The following PCARE variants were observed in gnomAD, a reference collection of about 807,000 sequenced individuals.
PCARE encodes photoreceptor cilium actin regulator, also known as uncharacterized protein C2orf71.
In PCARE, 72 loss-of-function variants were observed where a neutral mutation model predicts 82.2. The observed-to-expected ratio is 0.88, with a 90% confidence interval of 0.72 to 1.07. The LOEUF is 1.07. PCARE is among the 50% of genes least tolerant of loss of function. PCARE has a pLI of 0.00. For missense variants in PCARE, 1,768 were observed against 1,592.4 expected, an observed-to-expected ratio of 1.11 and a Z score of -1.88; for synonymous variants, 705 against 634.8, an observed-to-expected ratio of 1.11 and a Z score of -1.66.
In PCARE at chr2:29,071,080, G is replaced by C. The variant is rs756835422; in HGVS notation, c.3182C>G (p.Pro1061Arg). 2.5e-6 allele frequency: 4 copies of C among 1,591,416 alleles called. No individual in the cohort carries two copies. The highest frequency in any genetic ancestry group is 2.2e-5 in the South Asian group (2 of 89,694). Residue 1061 changes from proline to arginine, a missense_variant, in exon 1 of 2, where the codon CCC becomes CGC. Physicochemically the swap from Pro to Arg is moderately radical, Grantham distance 103 (BLOSUM62 -2). Transcript: ENST00000331664. ...CTTGCACTGAGCAGGTGCACTCTCG[G>C]GGGGAGGGTTGGGCAACTTGGGCTG... ...PHQPKLPNPP[P>R]ESAPAQCKVP...
At position 29,070,845 on chromosome 2, in the gene PCARE, T is replaced by C; in HGVS notation, c.3417A>G (p.Thr1139=). The change falls in exon 1 of 2, where the codon ACA becomes ACG. Residue 1139 remains threonine (T), a synonymous_variant. Coordinates refer to ENST00000331664, the MANE Select transcript of PCARE (RefSeq NM_001029883.3). ...SLFEAKPPLS[T]AHPLTPPSLP... ...GCGATGGTGGGGTCAGTGGGTGGGC[T>C]GTTGAGAGTGGCGGTTTAGCTTCAA... The C allele has an allele frequency of 6.2e-7, 1 of 1,614,060 alleles. No individual in the cohort carries two copies. Among genetic ancestry groups the C allele is most frequent in the Non-Finnish European group, 8.5e-7 (1 of 1,180,032 alleles).
In PCARE at chr2:29,062,702, A is replaced by T. The variant is rs1306642672; in HGVS notation, c.*2167T>A. The T allele has an allele frequency of 1.3e-5, 2 of 152,194 alleles. No homozygotes were observed. The highest frequency in any genetic ancestry group is 4.8e-5 in the African/African-American group (2 of 41,426). 9.4% of individuals were successfully genotyped at this position (152,194 alleles called of 1,614,324 possible). A position where few individuals can be genotyped will look rare whatever the true frequency, so the allele number is the denominator to read the frequency against. On this transcript the variant is annotated 3_prime_UTR_variant, in exon 2 of 2. Coordinates refer to ENST00000331664, the MANE Select transcript of PCARE (RefSeq NM_001029883.3). ...TTCTACCCAGCCCTGGACTTTTAAG[A>T]TGAGGCCCTTTACGGAAGGAGGCCT...
At position 29,065,093 on chromosome 2, in the gene PCARE, G is replaced by T. The variant is rs1465268345; in HGVS notation, c.3669-26C>A. On this transcript the variant is annotated intron_variant, in intron 1 of 1. Transcript: ENST00000331664. ...CTGCCGAGAGAAAGGACAAGTGCAG[G>T]TCAGACACTCCTCCTCTGCTGCTCC... 4 of 1,546,538 alleles carry T rather than the reference G, an allele frequency of 2.6e-6. No homozygotes were observed. The South Asian group carries it at 3.6e-5, about 14-fold the overall frequency.
rs769772064 is a variant in PCARE, at chr2:29,070,602, G to A, written c.3660C>T (p.Gly1220=). 22 of 1,614,006 alleles carry A rather than the reference G, an allele frequency of 1.4e-5. No individual in the cohort carries two copies. The highest frequency in any genetic ancestry group is 2.2e-5 in the East Asian group (1 of 44,880). The change falls in exon 1 of 2, where the codon GGC becomes GGT. Residue 1220 remains glycine, a synonymous_variant. Coordinates refer to ENST00000331664, the MANE Select transcript of PCARE (RefSeq NM_001029883.3). ...CCCAGGACACTCCTTACCTGTTCTG[G>A]CCGAGCTGGGATTCATAAGAGGTGC... ...PTSTSYESQL[G]QNSSSEESPK...
At position 29,073,233 on chromosome 2, in the gene PCARE, GA is replaced by G; in HGVS notation, c.1028del (p.Leu343ProfsTer41). 2 of 1,614,062 alleles carry G rather than the reference GA, an allele frequency of 1.2e-6. No homozygotes were observed. ...TGCCACTGTCCTCAGAGCATAAGGG[GA>G]GACCCTGCACCCCAGGGTCGCCACA... The part of the protein sequence containing the change: ...SGCGDPGVQG[L>X]PLCSEDSGIG... On this transcript the variant is annotated frameshift_variant, in exon 1 of 2. Transcript: ENST00000331664. LOFTEE classifies it high-confidence loss of function.
Position 29,074,375 on chromosome 2 carries a change from T to A in PCARE, c.-114A>T. The stretch of plus-strand genomic sequence containing the variant: ...CATCCAGGCAATTTTCAGGCCAGAA[T>A]TCTTTGAAGTCCATGGTACAATATC... On this transcript the variant is annotated 5_prime_UTR_variant, in exon 1 of 2. Transcript: ENST00000331664. 8.9e-7 allele frequency: 1 copy of A among 1,127,218 alleles called. No individual in the cohort carries two copies. Among genetic ancestry groups the A allele is most frequent in the Non-Finnish European group, 1.2e-6 (1 of 806,888 alleles). The allele number at this position is 1,127,218 out of a possible 1,614,324, so 69.8% of individuals were successfully genotyped here.
At position 29,071,800 on chromosome 2, in the gene PCARE, C is replaced by T. The variant is rs748121789; in HGVS notation, c.2462G>A (p.Cys821Tyr). The T allele has an allele frequency of 1.9e-6, 3 of 1,613,998 alleles. No homozygotes were observed. The highest frequency in any genetic ancestry group is 2.5e-6 in the Non-Finnish European group (3 of 1,179,856). Residue 821 changes from cysteine (C) to tyrosine (Y), a missense_variant, in exon 1 of 2, where the codon TGT (cysteine) becomes TAT (tyrosine). Transcript: ENST00000331664. ...GTGCTCGAGGTTCCCCTCCATTTCA[C>T]AGCTGAGCTCCTCACTCTTGGCTGC... Reference protein sequence around the residue: ...AEAAKSEELSCEMEGNLEHLP... With the variant: ...AEAAKSEELSYEMEGNLEHLP...
At chr2:29,070,474 G>A in intron 1 of PCARE, 120 bp downstream of exon 1, 1 of 1,367,994 alleles carries the variant, frequency 7.3e-7, no homozygotes, top group Non-Finnish European at 1.0e-6. Context: ...TTTCCCAACT[G>A]CCTCTTCTCT....
chr2:29,064,665 C>T lies in PCARE; in HGVS notation c.*204G>A. The T allele has an allele frequency of 3.1e-6, 2 of 653,226 alleles. No homozygotes were observed. The highest frequency in any genetic ancestry group is 1.8e-5 in the South Asian group (1 of 54,100). 40.5% of individuals were successfully genotyped at this position (653,226 alleles called of 1,614,324 possible). A position where few individuals can be genotyped will look rare whatever the true frequency, so the allele number is the denominator to read the frequency against. ...CTAAAAGTTCTGGTTAACCTTTGAA[C>T]CCCAAGGCAGAGCAAGATCTGGGAC... On this transcript the variant is annotated 3_prime_UTR_variant, in exon 2 of 2. Coordinates refer to ENST00000331664, the MANE Select transcript of PCARE (RefSeq NM_001029883.3).
intron 1 of PCARE, 36 bp downstream of exon 1, chr2:29,070,558 G>A: frequency 6.2e-7 from 1 of 1,613,244 alleles, no homozygotes; most frequent in Non-Finnish European, 8.5e-7. Flanking sequence ...TCTAGTCCAA[G>A]CCGCTGAAGG....
At position 29,070,803 on chromosome 2, in the gene PCARE, C is replaced by G. The variant is rs749100588; in HGVS notation, c.3459G>C (p.Gly1153=). The change falls in exon 1 of 2, where the codon GGG becomes GGC. Residue 1153 remains glycine (G), a synonymous_variant. Transcript: ENST00000331664. ...LTPPSLPPEA[G]GPLGNPAECW... ...ATTCTGCTGGGTTCCCGAGAGGGCC[C>G]CCAGCCTCTGGCGGCAGCGATGGTG... The G allele has an allele frequency of 6.2e-7, 1 of 1,613,996 alleles. No homozygotes were observed. The highest frequency in any genetic ancestry group is 1.3e-5 in the African/African-American group (1 of 74,914).
In PCARE at chr2:29,072,726, T is replaced by C; in HGVS notation, c.1536A>G (p.Ser512=). Residue 512 remains serine (S), a synonymous_variant, in exon 1 of 2, where the codon TCA becomes TCG. Transcript: ENST00000331664. ...GGTCAGCAGGTGAAGATTGTGGCCT[T>C]GAATGTGGAGTTTTTTCCTGCCAGG... is the stretch of plus-strand genomic sequence containing the variant. ...LCAWQEKTPH[S]RPQSSPADRE... is the part of the protein sequence containing the mutation. 1 of 1,613,984 alleles carries C rather than the reference T, an allele frequency of 6.2e-7. No homozygotes were observed. Among genetic ancestry groups the C allele is most frequent in the Non-Finnish European group, 8.5e-7 (1 of 1,180,014 alleles).
Position 29,072,267 on chromosome 2 carries a change from C to T in PCARE, c.1995G>A (p.Arg665=), listed in dbSNP as rs776980292. ...AGTTCTTGGTGAGGGATGCCTTGAG[C>T]CTGCTGGTGGTGTTGCTTGGACTGA... is the stretch of plus-strand genomic sequence containing the variant. The part of the protein sequence containing the change: ...CRVSPSNTTS[R]LKASLTKNFS... Residue 665 remains arginine (R), a synonymous_variant, in exon 1 of 2, where the codon AGG becomes AGA. Coordinates refer to ENST00000331664, the MANE Select transcript of PCARE (RefSeq NM_001029883.3). The T allele has an allele frequency of 1.9e-6, 3 of 1,614,214 alleles. No individual in the cohort carries two copies. The highest frequency in any genetic ancestry group is 2.5e-6 in the Non-Finnish European group (3 of 1,180,042).
At position 29,065,030 on chromosome 2, in the gene PCARE, C is replaced by G. The variant is rs1362178863; in HGVS notation, c.3706G>C (p.Gly1236Arg). The G allele has an allele frequency of 1.9e-6, 3 of 1,554,228 alleles. No individual in the cohort carries two copies. The highest frequency in any genetic ancestry group is 1.2e-5 in the South Asian group (1 of 84,432). Residue 1236 changes from glycine (G) to arginine (R), a missense_variant, in exon 2 of 2, where the codon GGG becomes CGG. Physicochemically the swap from Gly to Arg is moderately radical, Grantham distance 125. Coordinates refer to ENST00000331664, the MANE Select transcript of PCARE (RefSeq NM_001029883.3). The part of the protein sequence containing the change: ...EESPKKDTEP[G>R]SSPCSPELQG... ...AGTTCAGGGGAACAGGGGCTGCTCC[C>G]CGGCTCTGTGTCCTTCTTAGGGCTC...
At position 29,071,415 on chromosome 2, in the gene PCARE, G is replaced by A. The variant is rs1471191106; in HGVS notation, c.2847C>T (p.Ser949=). The A allele has an allele frequency of 2.5e-6, 4 of 1,613,492 alleles. No individual in the cohort carries two copies. Among genetic ancestry groups the A allele is most frequent in the South Asian group, 2.2e-5 (2 of 91,092 alleles). The change falls in exon 1 of 2, where the codon AGC becomes AGT. Residue 949 remains serine (S), a synonymous_variant. Coordinates refer to ENST00000331664, the MANE Select transcript of PCARE (RefSeq NM_001029883.3). The stretch of plus-strand genomic sequence containing the variant: ...TGGCCTTCCGGGGCTGCCTGTAGAG[G>A]CTGGTGGCCTTCTCTGCCTGACTCC... ...GTWSQAEKAT[S]LYRQPRKAIA...
At position 29,071,454 on chromosome 2, in the gene PCARE, C is replaced by T. The variant is rs1667481369; in HGVS notation, c.2808G>A (p.Val936=). Residue 936 remains valine (V), a synonymous_variant, in exon 1 of 2, where the codon GTG becomes GTA. Coordinates refer to ENST00000331664, the MANE Select transcript of PCARE (RefSeq NM_001029883.3). ...CTGCCTGACTCCAAGTCCCACCCTT[C>T]ACCTCGGGGCTTTGGCTGGTGGCTG... The part of the protein sequence containing the change: ...SPPATSQSPE[V]KGGTWSQAEK... 6.2e-7 allele frequency: 1 copy of T among 1,612,882 alleles called. No individual in the cohort carries two copies. Among genetic ancestry groups the T allele is most frequent in the South Asian group, 1.1e-5 (1 of 91,080 alleles).
intron 1 of PCARE, among the ~76,000 whole-genome samples, chr2:29,068,759 C>A (rs1037306418): frequency 6.6e-6 from 1 of 152,140 alleles, no homozygotes; most frequent in South Asian, 2.1e-4. Context: ...TCAGCCTGCC[C>A]GGGGGAGAGG....
In PCARE at chr2:29,073,607, C is replaced by T. The variant is rs1667535059; in HGVS notation, c.655G>A (p.Val219Ile). 1 of 1,614,068 alleles carries T rather than the reference C, an allele frequency of 6.2e-7. No individual in the cohort carries two copies. The highest frequency in any genetic ancestry group is 8.5e-7 in the Non-Finnish European group (1 of 1,180,050). Residue 219 changes from valine to isoleucine, a missense_variant, in exon 1 of 2, where the codon GTC becomes ATC. By Grantham distance (29) the Val-to-Ile change is conservative (BLOSUM62 3). Coordinates refer to ENST00000331664, the MANE Select transcript of PCARE (RefSeq NM_001029883.3). ...TCAAAGCACAGCAGCAAGAAGCTGA[C>T]CATGGGCTGCAGCAGCTCCCGGGTC... ...TQTRELLQPM[V>I]SFLLLCFEEI...
At position 29,072,393 on chromosome 2, in the gene PCARE, C is replaced by T; in HGVS notation, c.1869G>A (p.Leu623=). ...RRVQRDLSQK[L]EAFYALGAKG... ...TGGCACCCAGGGCATAAAATGCCTC[C>T]AGCTTCTGACTGAGGTCCCTCTGGA... Residue 623 remains leucine (L), a synonymous_variant, in exon 1 of 2, where the codon CTG becomes CTA. Coordinates refer to ENST00000331664, the MANE Select transcript of PCARE (RefSeq NM_001029883.3). 1.9e-6 allele frequency: 3 copies of T among 1,614,192 alleles called. No individual in the cohort carries two copies. The highest frequency in any genetic ancestry group is 2.5e-6 in the Non-Finnish European group (3 of 1,180,038).
Sources: allele counts gnomAD v4.1 joint callset (sites outside exome capture counted in the v4.1 genomes callset), GRCh38; gene constraint gnomAD v4.1.1; transcripts MANE v1.5; gene names NCBI Gene and HGNC (gene_info 2026-07-23, HGNC 2026-07-21).